Variants in SQSTM1 observed in about 807,000 individuals in gnomAD.
SQSTM1 encodes the protein sequestosome-1.
In SQSTM1, 36 loss-of-function variants were observed where a neutral mutation model predicts 45.1. The ratio of observed to expected loss-of-function variants is 0.80; its 90% CI spans 0.61 to 1.05. SQSTM1 has a LOEUF of 1.05. SQSTM1 is among the 50% of genes least tolerant of loss of function. The probability of loss-of-function intolerance (pLI) is 0.00; values close to 1 mark genes in which losing one functional copy is unlikely to be tolerated. For missense variants in SQSTM1, 617 were observed against 607.1 expected, an observed-to-expected ratio of 1.02 and a Z score of -0.17; for synonymous variants, 290 against 244.3, an observed-to-expected ratio of 1.19 and a Z score of -1.74.
chr5:179,816,659 C>T (rs1757588799), upstream of SQSTM1, among the ~76,000 whole-genome samples: 1 of 152,230 alleles, frequency 6.6e-6, no homozygotes, highest in Non-Finnish European at 1.5e-5. Context: ...GATTCCCCTT[C>T]TTGAGCTGCT....
intron 2 of SQSTM1, chr5:179,823,445 C>CAAAAAAAAAAAA (rs59899831): frequency 1.4e-4 from 8 of 55,904 alleles, no homozygotes; most frequent in Admixed American, 5.1e-4. Flanking sequence ...GCCTAGGCGA[C>CAAAAAAAAAAAA]AAAAAAAAAA....
At chr5:179,822,857 C>T in intron 1 of SQSTM1, 101 bp from the exon 2 acceptor site, 1 of 963,304 alleles carries the variant, frequency 1.0e-6, no homozygotes, top group East Asian at 2.4e-5. Context: ...TTGTTTATAG[C>T]CCTGTGAGTG....
At chr5:179,831,245 G>A (rs1026756236) in intron 5 of SQSTM1, among the ~76,000 whole-genome samples, 1 of 152,242 alleles carries the variant, frequency 6.6e-6, no homozygotes, top group Non-Finnish European at 1.5e-5. Flanking sequence ...TGGAACAGGA[G>A]GCTGCACAGC....
At chr5:179,826,829 C>T (rs982728156) in intron 5 of SQSTM1, among the ~76,000 whole-genome samples, 13 of 149,590 alleles carry the variant, frequency 8.7e-5, no homozygotes, top group African/African-American at 3.0e-4. Context: ...TCGACACCTG[C>T]CTCGGCCTCC....
intron 5 of SQSTM1, among the ~76,000 whole-genome samples, chr5:179,829,480 TAAAGG>T (rs969807399): frequency 2.6e-5 from 4 of 152,026 alleles, no homozygotes; most frequent in Non-Finnish European, 5.9e-5. Context: ...GAAAAGGTCT[TAAAGG>T]GAAGAGAATG....
Position 179,836,735 on chromosome 5 carries a change from G to T in SQSTM1, c.*142G>T. 7.8e-7 allele frequency: 1 copy of T among 1,288,598 alleles called. No individual in the cohort carries two copies. The allele number at this position is 1,288,598 out of a possible 1,614,324, so 79.8% of individuals were successfully genotyped here. A position where few individuals can be genotyped will look rare whatever the true frequency, so the allele number is the denominator to read the frequency against. ...GTTAGGGTGCAAGAAGCCATTTAGG[G>T]CAGCAAAACAAGTGACATGAAGGGA... On this transcript the variant is annotated 3_prime_UTR_variant, in exon 8 of 8. Transcript: ENST00000389805.
At chr5:179,824,149 C>T in intron 3 of SQSTM1, 33 bp from the exon 4 acceptor site, 2 of 1,613,568 alleles carry the variant, frequency 1.2e-6, no homozygotes, top group Non-Finnish European at 1.7e-6. Flanking sequence ...TTGACCCGCT[C>T]ACTGCCTGCC....
chr5:179,816,787 T>A (rs1458522072), upstream of SQSTM1, among the ~76,000 whole-genome samples: 1 of 151,974 alleles, frequency 6.6e-6, no homozygotes, highest in East Asian at 1.9e-4. Context: ...CTACTCCTTG[T>A]CGCCGCCCCC....
rs1348070282 is a variant in SQSTM1, at chr5:179,836,444, C to A, written c.1174C>A (p.Pro392Thr). 6.2e-7 allele frequency: 1 copy of A among 1,614,150 alleles called. No homozygotes were observed. The highest frequency in any genetic ancestry group is 8.5e-7 in the Non-Finnish European group (1 of 1,180,034). The change falls in exon 8 of 8, where the codon CCG becomes ACG. Residue 392 changes from proline (P) to threonine (T), a missense_variant. Physicochemically the swap from Pro to Thr is conservative, Grantham distance 38 (BLOSUM62 -1). Coordinates refer to ENST00000389805, the MANE Select transcript of SQSTM1 (RefSeq NM_003900.5). ...CCTTACTGTTTCGGCAGAGGCTGAC[C>A]CGCGGCTGATTGAGTCCCTCTCCCA... ...LYPHLPPEAD[P>T]RLIESLSQML...
upstream of SQSTM1, among the ~76,000 whole-genome samples, chr5:179,818,270 A>C (rs1581999381): frequency 6.6e-6 from 1 of 152,120 alleles, no homozygotes. Context: ...GCTGCAGCGC[A>C]GAAGGCCTGG....
At position 179,833,012 on chromosome 5, in the gene SQSTM1, C is replaced by G. The variant is rs765649189; in HGVS notation, c.755-20C>G. The G allele has an allele frequency of 1.9e-6, 3 of 1,613,806 alleles. No homozygotes were observed. The highest frequency in any genetic ancestry group is 2.2e-5 in the East Asian group (1 of 44,896). On this transcript the variant is annotated intron_variant, in intron 5 of 7. Transcript: ENST00000389805. Reference sequence around the variant, plus strand: ...CCTTGGGGGAACTTCACGGCTTGCTCTTTCCTCCTCCGCCTCTAGGCATTG... The same window carrying G: ...CCTTGGGGGAACTTCACGGCTTGCTGTTTCCTCCTCCGCCTCTAGGCATTG...
rs368933511 is a variant in SQSTM1 at position 179,836,485 on chromosome 5, C to T, written c.1215C>T (p.Gly405=). 1 of 1,614,216 alleles carries T rather than the reference C, an allele frequency of 6.2e-7. No individual in the cohort carries two copies. ...IESLSQMLSM[G]FSDEGGWLTR... ...CCCTCTCCCAGATGCTGTCCATGGG[C>T]TTCTCTGATGAAGGCGGCTGGCTCA... The change falls in exon 8 of 8, where the codon GGC becomes GGT. Residue 405 remains glycine (G), a synonymous_variant. Transcript: ENST00000389805.
chr5:179,811,995 G>A (rs368816479), intron 2 of SQSTM1: 8 of 152,188 alleles, frequency 5.3e-5, no homozygotes, highest in African/African-American at 1.2e-4. Context: ...TAGTAGAGAC[G>A]GGGTTTCACC....
upstream of SQSTM1, chr5:179,819,152 AGAGGGCCCTGCCAGGG>A (rs1757673865): frequency 6.6e-6 from 1 of 152,014 alleles, no homozygotes; most frequent in South Asian, 2.1e-4. Flanking sequence ...CGGCGGGAGG[AGAGGGCCCTGCCAGGG>A]GGTTCCCGCC....
Position 179,834,158 on chromosome 5 carries a change from G to A in SQSTM1, c.1165+376G>A, listed in dbSNP as rs937563506. ...GCCTCAGGGAGTGCTGGTCTGAGAG[G>A]GGGGGGGGTCATAGCCAAGATCCCT... On this transcript the variant is annotated intron_variant, in intron 7 of 7. Coordinates refer to ENST00000389805, the MANE Select transcript of SQSTM1 (RefSeq NM_003900.5). 5.9e-5 allele frequency among the ~76,000 whole-genome samples: 7 copies of A among 118,136 alleles called. 1 individual carries two copies. Among genetic ancestry groups the A allele is most frequent in the Admixed American group, 2.3e-4 (3 of 12,894 alleles). The allele number at this position is 118,136 out of a possible 152,430, so 77.5% of individuals were successfully genotyped here.
At chr5:179,820,688 CG>C, upstream of SQSTM1, 1 of 431,726 alleles carries the variant, frequency 2.3e-6, no homozygotes, top group Non-Finnish European at 4.1e-6. Context: ...CTTGGTGCAC[CG>C]GGGCAATGAA....
At position 179,823,911 on chromosome 5, in the gene SQSTM1, C is replaced by T. The variant is rs548787835; in HGVS notation, c.355C>T (p.Arg119Cys). 20 of 1,613,520 alleles carry T rather than the reference C, an allele frequency of 1.2e-5. No individual in the cohort carries two copies. Among genetic ancestry groups the T allele is most frequent in the East Asian group, 2.2e-5 (1 of 44,894 alleles). The change falls in exon 3 of 8, where the codon CGC (arginine) becomes TGC (cysteine). Residue 119 changes from arginine (R) to cysteine (C), a missense_variant. By Grantham distance (180) the Arg-to-Cys change is radical. Coordinates refer to ENST00000389805, the MANE Select transcript of SQSTM1 (RefSeq NM_003900.5). ...CCCACCGTGTGCTCAGGAGGCGCCC[C>T]GCAACATGGTGCACCCCAATGTGAT... Reference protein sequence around the residue: ...HRPPCAQEAPRNMVHPNVICD... With the variant: ...HRPPCAQEAPCNMVHPNVICD...
intron 3 of SQSTM1, 21 bp from the exon 4 acceptor site, chr5:179,824,161 C>T: frequency 6.2e-7 from 1 of 1,613,696 alleles, no homozygotes; most frequent in Non-Finnish European, 8.5e-7. Context: ...CTGCCTGCCG[C>T]TCTGCTAATT....
chr5:179,820,676 T>C, upstream of SQSTM1: 2 of 414,368 alleles, frequency 4.8e-6, no homozygotes, highest in Non-Finnish European at 8.6e-6. Flanking sequence ...TTTCCTGGGG[T>C]CCTTGGTGCA....
Sources: allele counts gnomAD v4.1 joint callset (sites outside exome capture counted in the v4.1 genomes callset), GRCh38; gene constraint gnomAD v4.1.1; transcripts MANE v1.5; gene names NCBI Gene and HGNC (gene_info 2026-07-23, HGNC 2026-07-21).